Variants in UBXN7 observed in about 807,000 individuals in gnomAD.
The protein encoded by UBXN7 is UBX domain protein 7.
UBXN7 carries 9 observed loss-of-function variants against 58.0 expected under a neutral mutation model. The ratio of observed to expected loss-of-function variants is 0.16; its 90% CI spans 0.09 to 0.27. UBXN7 has a LOEUF of 0.27. Among genes scored for constraint, UBXN7 ranks in the 10% least tolerant of loss-of-function variants. The pLI is 1.00. For missense variants in UBXN7, 328 were observed against 599.6 expected, an observed-to-expected ratio of 0.55 and a Z score of 4.73; for synonymous variants, 208 against 205.0, an observed-to-expected ratio of 1.01 and a Z score of -0.12.
intron 1 of UBXN7, among the ~76,000 whole-genome samples, chr3:196,418,773 C>T (rs575997456): frequency 3.9e-5 from 6 of 152,256 alleles, no homozygotes; most frequent in African/African-American, 1.4e-4. Flanking sequence ...AATGACATTA[C>T]GACACAACAA....
rs1057372341 is a variant in UBXN7 at position 196,402,819 on chromosome 3, A to G, written c.289+133T>C. On this transcript the variant is annotated intron_variant, in intron 3 of 10. Transcript: ENST00000296328. ...GAGTCAACTGTGCAACTTTCTTGACAGGACTATAGAAAAAATAAGAAATGA... is the reference window on the plus strand; with the variant it reads ...GAGTCAACTGTGCAACTTTCTTGACGGGACTATAGAAAAAATAAGAAATGA... 4.8e-5 allele frequency: 48 copies of G among 992,666 alleles called. No individual in the cohort carries two copies. The Admixed American group carries it at 1.2e-3, about 24-fold the overall frequency. The allele number at this position is 992,666 out of a possible 1,614,324, so 61.5% of individuals were successfully genotyped here. A position where few individuals can be genotyped will look rare whatever the true frequency, so the allele number is the denominator to read the frequency against.
At chr3:196,403,085 A>C in intron 2 of UBXN7, 66 bp from the exon 3 acceptor site, 2 of 1,383,522 alleles carry the variant, frequency 1.4e-6, no homozygotes, top group Non-Finnish European at 2.0e-6. Context: ...GCTTTCTGTA[A>C]ATACTGTGAA....
In UBXN7 at chr3:196,362,602, T is replaced by C. The variant is rs767681582; in HGVS notation, c.920A>G (p.Gln307Arg). 2.5e-6 allele frequency: 4 copies of C among 1,614,216 alleles called. No homozygotes were observed. Among genetic ancestry groups the C allele is most frequent in the Middle Eastern group, 1.6e-4 (1 of 6,062 alleles). Residue 307 changes from glutamine to arginine, a missense_variant, in exon 9 of 11, where the codon CAG becomes CGG. Gln to Arg is a conservative substitution (Grantham distance 43, BLOSUM62 1). Transcript: ENST00000296328. Reference protein sequence around the residue: ...SLQETHFDSTQTKQDSRSDEE... With the variant: ...SLQETHFDSTRTKQDSRSDEE... ...ATCTGAGCGGCTATCCTGTTTTGTC[T>C]GTGTTGAATCAAAATGTGTTTCTTG...
intron 8 of UBXN7, 64 bp downstream of exon 8, chr3:196,367,964 T>G: frequency 6.4e-7 from 1 of 1,571,350 alleles, no homozygotes; most frequent in Non-Finnish European, 8.6e-7. Context: ...ATCGAACATT[T>G]TATATAAGAT....
In UBXN7 at chr3:196,362,429, G is replaced by T. The variant is rs371548934; in HGVS notation, c.1093C>A (p.Pro365Thr). ...LGHRKEENRR[P>T]LTEPPVRTDP... ...GTTCTGACTGGTGGCTCAGTCAGCG[G>T]CCTTCTATTCTCCTCTTTTCTATGC... The change falls in exon 9 of 11, where the codon CCG becomes ACG. Residue 365 changes from proline (P) to threonine (T), a missense_variant. Pro to Thr is a conservative substitution (Grantham distance 38). Coordinates refer to ENST00000296328, the MANE Select transcript of UBXN7 (RefSeq NM_015562.2). The T allele has an allele frequency of 3.7e-6, 6 of 1,614,044 alleles. No homozygotes were observed. The highest frequency in any genetic ancestry group is 5.1e-6 in the Non-Finnish European group (6 of 1,180,056).
chr3:196,398,993 T>C (rs146225913), intron 3 of UBXN7, among the ~76,000 whole-genome samples: 9 of 152,312 alleles, frequency 5.9e-5, no homozygotes, highest in Non-Finnish European at 7.4e-5. Context: ...CTCAGTTGTA[T>C]TGAAGTAACA....
chr3:196,369,873 C>T (rs957404370), intron 6 of UBXN7, among the ~76,000 whole-genome samples: 4 of 152,172 alleles, frequency 2.6e-5, no homozygotes, highest in Non-Finnish European at 5.9e-5. Flanking sequence ...TGGCTCACGC[C>T]TGTAATCCCA....
intron 5 of UBXN7, among the ~76,000 whole-genome samples, chr3:196,391,259 G>A (rs183136201): frequency 1.2e-3 from 190 of 152,132 alleles, no homozygotes; most frequent in African/African-American, 4.2e-3. Context: ...AAATGACACC[G>A]CACAAGGCTA....
At chr3:196,358,307 T>C (rs1728407858) in intron 10 of UBXN7, among the ~76,000 whole-genome samples, 1 of 152,218 alleles carries the variant, frequency 6.6e-6, no homozygotes, top group Non-Finnish European at 1.5e-5. Context: ...CCTCTTCAAA[T>C]AACCCCAGTC....
chr3:196,411,051 G>A (rs540766600), intron 1 of UBXN7, among the ~76,000 whole-genome samples: 12 of 152,140 alleles, frequency 7.9e-5, no homozygotes, highest in Admixed American at 7.9e-4. Flanking sequence ...GAAATCAACC[G>A]AAATGTTACT....
chr3:196,400,918 C>G (rs944389166), intron 3 of UBXN7, among the ~76,000 whole-genome samples: 5 of 151,860 alleles, frequency 3.3e-5, no homozygotes, highest in African/African-American at 1.2e-4. Flanking sequence ...AAATCTATTC[C>G]TAGCATTTAT....
intron 1 of UBXN7, among the ~76,000 whole-genome samples, chr3:196,412,625 C>T (rs540810327): frequency 6.6e-6 from 1 of 152,222 alleles, no homozygotes; most frequent in South Asian, 2.1e-4. Context: ...TTTATATGCC[C>T]ACTTTCATAA....
chr3:196,407,110 T>G, intron 2 of UBXN7, 136 bp downstream of exon 2: 3 of 1,240,260 alleles, frequency 2.4e-6, no homozygotes, highest in South Asian at 3.2e-5. Context: ...CTACAAAAAT[T>G]TCCACTTCAT....
In UBXN7 at chr3:196,352,884, T is replaced by C. The variant is rs1728249716; in HGVS notation, c.*3801A>G. The C allele has an allele frequency of 6.6e-6, 1 of 152,018 alleles. No homozygotes were observed. Among genetic ancestry groups the C allele is most frequent in the African/African-American group, 2.4e-5 (1 of 41,390 alleles). 9.4% of individuals were successfully genotyped at this position (152,018 alleles called of 1,614,324 possible). The stretch of plus-strand genomic sequence containing the variant: ...GCGCTCACCTATTAAAAAAGGTAAT[T>C]GTATCTTTTCTGAAAAATGTTTAAA... On this transcript the variant is annotated 3_prime_UTR_variant, in exon 11 of 11. Coordinates refer to ENST00000296328, the MANE Select transcript of UBXN7 (RefSeq NM_015562.2). The surrounding 1 kb of genome is among the most constrained non-coding windows in gnomAD (Gnocchi z 4.1).
intron 2 of UBXN7, 119 bp from the exon 3 acceptor site, chr3:196,403,138 A>G (rs561838938): frequency 1.1e-5 from 12 of 1,062,120 alleles, no homozygotes; most frequent in Admixed American, 5.8e-5. Flanking sequence ...CACAGTAATA[A>G]TAAGTTTTTG....
chr3:196,391,323 T>C (rs1291694058), intron 5 of UBXN7, among the ~76,000 whole-genome samples: 1 of 152,190 alleles, frequency 6.6e-6, no homozygotes, highest in Non-Finnish European at 1.5e-5. Context: ...ATTTCATATA[T>C]TGCTGGTAGA....
intron 8 of UBXN7, among the ~76,000 whole-genome samples, chr3:196,363,853 C>T (rs1294375205): frequency 1.3e-5 from 2 of 151,052 alleles, no homozygotes; most frequent in South Asian, 2.1e-4. Context: ...CACTTGAACC[C>T]GGGAGGCAGA....
rs77144606 is a variant in UBXN7, at chr3:196,376,733, G to C, written c.469-4691C>G. On this transcript the variant is annotated intron_variant, in intron 5 of 10. Coordinates refer to ENST00000296328, the MANE Select transcript of UBXN7 (RefSeq NM_015562.2). ...TAATGGGATACCAATTTAAAATGTG[G>C]GTTTTTTTTCCTCATGAAATAAGAA... 5.1e-3 allele frequency among the ~76,000 whole-genome samples: 770 copies of C among 151,894 alleles called. 7 individuals carry two copies. Among genetic ancestry groups the C allele is most frequent in the African/African-American group, 0.018 (749 of 41,436 alleles).
intron 5 of UBXN7, among the ~76,000 whole-genome samples, chr3:196,384,246 C>T (rs1372546634): frequency 6.6e-6 from 1 of 152,086 alleles, no homozygotes; most frequent in Admixed American, 6.5e-5. Flanking sequence ...CAAGACTAAA[C>T]CAGGAAGAAG....
Sources: allele counts gnomAD v4.1 joint callset (sites outside exome capture counted in the v4.1 genomes callset), GRCh38; gene constraint gnomAD v4.1.1; non-coding constraint Gnocchi (gnomAD v3.1); transcripts MANE v1.5; gene names NCBI Gene and HGNC (gene_info 2026-07-23, HGNC 2026-07-21).